STXBP5L: variants seen among roughly 807,000 people sequenced by gnomAD.
STXBP5L encodes syntaxin-binding protein 5-like.
STXBP5L carries 65 observed loss-of-function variants against 144.5 expected under a neutral mutation model. The observed-to-expected ratio is 0.45, with a 90% CI of 0.37 to 0.55. STXBP5L has a LOEUF of 0.55. Ranked by LOEUF, STXBP5L falls within the 20% of genes least tolerant of loss-of-function variation. The pLI is 0.00. For synonymous variants in STXBP5L, 505 were observed against 469.6 expected (o/e 1.08, Z -0.97); for missense variants, 1,298 against 1,405.5 (o/e 0.92, Z 1.22).
intron 22 of STXBP5L, among the ~76,000 whole-genome samples, chr3:121,384,804 G>A (rs982537991): frequency 1.3e-5 from 2 of 151,674 alleles, no homozygotes; most frequent in Non-Finnish European, 2.9e-5. Context: ...TGAAAATTCT[G>A]CCACTAGCAA....
intron 5 of STXBP5L, among the ~76,000 whole-genome samples, chr3:121,058,130 C>T (rs893855486): frequency 6.6e-6 from 1 of 152,100 alleles, no homozygotes; most frequent in Non-Finnish European, 1.5e-5. Flanking sequence ...TCCCCTACAC[C>T]CCCATCACCC....
chr3:121,009,390 G>T (rs1479418672), intron 3 of STXBP5L, among the ~76,000 whole-genome samples: 1 of 151,920 alleles, frequency 6.6e-6, no homozygotes, highest in African/African-American at 2.4e-5. Context: ...CCAACAGTCT[G>T]CATTTATCCT....
At chr3:120,957,470 A>C (rs746494168) in intron 3 of STXBP5L, among the ~76,000 whole-genome samples, 1 of 151,984 alleles carries the variant, frequency 6.6e-6, no homozygotes, top group Non-Finnish European at 1.5e-5. Context: ...GGATTTTTGC[A>C]TCTAGGTTTA....
At chr3:121,356,189 C>G (rs2045506779) in intron 20 of STXBP5L, among the ~76,000 whole-genome samples, 1 of 152,248 alleles carries the variant, frequency 6.6e-6, no homozygotes, top group Admixed American at 6.5e-5. Flanking sequence ...TCTCAGAGTT[C>G]AAACGCCGTG....
intron 19 of STXBP5L, among the ~76,000 whole-genome samples, chr3:121,299,096 A>C (rs1365591087): frequency 6.6e-6 from 1 of 152,182 alleles, no homozygotes; most frequent in Non-Finnish European, 1.5e-5. Context: ...ATGGAAGGAT[A>C]ATATATAATC....
chr3:121,324,439 G>T, intron 20 of STXBP5L: 1 of 616,546 alleles, frequency 1.6e-6, no homozygotes, highest in Non-Finnish European at 2.9e-6. Flanking sequence ...AAAATTATTG[G>T]TTCACTTAGG....
chr3:121,247,629 T>C (rs909630199), intron 14 of STXBP5L, among the ~76,000 whole-genome samples: 1 of 152,194 alleles, frequency 6.6e-6, no homozygotes, highest in African/African-American at 2.4e-5. Context: ...GCTCCATCCA[T>C]GTTGCTGTAA....
intron 6 of STXBP5L, among the ~76,000 whole-genome samples, chr3:121,118,291 A>G (rs1454644998): frequency 2.6e-5 from 4 of 151,776 alleles, no homozygotes; most frequent in Non-Finnish European, 5.9e-5. Context: ...TCAAAGTGGT[A>G]TCTGTGAAGA....
intron 19 of STXBP5L, among the ~76,000 whole-genome samples, chr3:121,285,147 C>G (rs2051187024): frequency 6.6e-6 from 1 of 151,974 alleles, no homozygotes; most frequent in South Asian, 2.1e-4. Context: ...GAACCCAGTT[C>G]CATTGATTAT....
chr3:121,300,176 T>C (rs184171944), intron 19 of STXBP5L, among the ~76,000 whole-genome samples: 3 of 152,208 alleles, frequency 2.0e-5, no homozygotes, highest in African/African-American at 7.2e-5. Context: ...TGACGTCTTT[T>C]AAGTGCTAGA....
At chr3:121,414,913 T>A (rs1446646183) in intron 24 of STXBP5L, among the ~76,000 whole-genome samples, 1 of 152,174 alleles carries the variant, frequency 6.6e-6, no homozygotes, top group Non-Finnish European at 1.5e-5. Context: ...CCATAAAGTG[T>A]AATCAACTGG....
chr3:121,138,477 C>T (rs1214893982), intron 7 of STXBP5L, among the ~76,000 whole-genome samples: 4 of 151,968 alleles, frequency 2.6e-5, no homozygotes, highest in Non-Finnish European at 4.4e-5. Context: ...AGAACAAAGC[C>T]GAAGGCATCA....
At chr3:121,063,399 T>C (rs6438601) in intron 5 of STXBP5L, among the ~76,000 whole-genome samples, 99,921 of 151,988 alleles carry the variant, frequency 0.66, 33,396 homozygotes, top group Admixed American at 0.71. Context: ...CCGCCATATG[T>C]CAGCTGGAGC....
At chr3:121,041,539 T>C (rs1053315760) in intron 3 of STXBP5L, among the ~76,000 whole-genome samples, 161 bp from the exon 4 acceptor site, 1 of 152,134 alleles carries the variant, frequency 6.6e-6, no homozygotes, top group South Asian at 2.1e-4. Context: ...ATCTGAGGTA[T>C]ACAATTTAAT....
At chr3:121,004,907 G>T (rs1944137214) in intron 3 of STXBP5L, among the ~76,000 whole-genome samples, 1 of 152,182 alleles carries the variant, frequency 6.6e-6, no homozygotes, top group South Asian at 2.1e-4. Context: ...AAGCCCACTT[G>T]ATCATGGTGG....
At chr3:121,370,264 A>G (rs2045991976) in intron 20 of STXBP5L, among the ~76,000 whole-genome samples, 1 of 152,160 alleles carries the variant, frequency 6.6e-6, no homozygotes, top group Non-Finnish European at 1.5e-5. Context: ...GCTACTTGGG[A>G]GGCTGAGGCA....
At chr3:121,410,396 G>T (rs921837213) in intron 23 of STXBP5L, among the ~76,000 whole-genome samples, 4 of 151,916 alleles carry the variant, frequency 2.6e-5, no homozygotes, top group African/African-American at 9.7e-5. Context: ...ATTTTGATAT[G>T]ATTTTAATAA....
At chr3:121,296,699 G>C (rs2051663749) in intron 19 of STXBP5L, among the ~76,000 whole-genome samples, 1 of 152,132 alleles carries the variant, frequency 6.6e-6, no homozygotes, top group Non-Finnish European at 1.5e-5. Flanking sequence ...GCTTTTGATA[G>C]ATAGACAGAC....
At chr3:121,165,338 A>C (rs2108035122) in intron 9 of STXBP5L, among the ~76,000 whole-genome samples, 1 of 152,268 alleles carries the variant, frequency 6.6e-6, no homozygotes, top group South Asian at 2.1e-4. Flanking sequence ...ATAATTCCGC[A>C]TTGGGAACTA....
Sources: gnomAD v4.1 joint callset for allele counts (sites outside exome capture counted in the v4.1 genomes callset) on GRCh38, gnomAD v4.1.1 for gene constraint, MANE v1.5 for transcripts, NCBI Gene and HGNC (gene_info 2026-07-23, HGNC 2026-07-21) for gene names.